The following LUC7L variants were observed in gnomAD, a reference collection of about 807,000 sequenced individuals.
LUC7L encodes putative RNA-binding protein Luc7-like 1.
In LUC7L, 29 loss-of-function variants were observed where a neutral mutation model predicts 51.1. The observed-to-expected ratio is 0.57, with a 90% CI of 0.42 to 0.77. The LOEUF (loss-of-function observed/expected upper bound fraction) is 0.77, where lower values mean the gene tolerates loss of function less well. Ranked by LOEUF, LUC7L falls within the 30% of genes least tolerant of loss-of-function variation. The pLI is 0.00. For synonymous variants in LUC7L, 181 were observed against 180.7 expected (o/e 1.00, Z -0.01); for missense variants, 403 against 511.9 (o/e 0.79, Z 2.05).
chr16:219,681 T>C (rs1350234639), intron 3 of LUC7L, among the ~76,000 whole-genome samples: 1 of 151,994 alleles, frequency 6.6e-6, no homozygotes, highest in African/African-American at 2.4e-5. Flanking sequence ...GAGACCAGCC[T>C]GATCAACATG....
intron 2 of LUC7L, among the ~76,000 whole-genome samples, chr16:221,603 T>A (rs770249692): frequency 2.6e-5 from 4 of 151,766 alleles, no homozygotes; most frequent in Admixed American, 1.3e-4. Flanking sequence ...CCTGGGGAGC[T>A]GAGACACAAG....
intron 5 of LUC7L, among the ~76,000 whole-genome samples, chr16:203,451 A>G (rs1464918132): frequency 6.6e-6 from 1 of 152,160 alleles, no homozygotes; most frequent in Non-Finnish European, 1.5e-5. Flanking sequence ...TCATGACTCT[A>G]ATCCCAGCAC....
At chr16:195,767 A>G (rs1461842047) in intron 6 of LUC7L, among the ~76,000 whole-genome samples, 2 of 152,186 alleles carry the variant, frequency 1.3e-5, no homozygotes, top group African/African-American at 2.4e-5. Flanking sequence ...AGCCAGGTGC[A>G]GTGGCTCATG....
chr16:203,683 G>A (rs2049396639), intron 5 of LUC7L, among the ~76,000 whole-genome samples: 2 of 141,660 alleles, frequency 1.4e-5, no homozygotes, highest in Admixed American at 1.4e-4. Context: ...ACTCCAGCCT[G>A]GGTGAGAAAG....
In LUC7L at chr16:192,052, C is replaced by T. The variant is rs528710097; in HGVS notation, c.776+875G>A. Among the ~76,000 whole-genome samples, 863 of 152,176 alleles carry T rather than the reference C, an allele frequency of 5.7e-3. 6 individuals carry two copies. The highest frequency in any genetic ancestry group is 0.018 in the South Asian group (87 of 4,820). ...GTGTGGCCAGAGGCATCTTCTACTT[C>T]CCACCTCCTCCCACTCCAATACACC... is the stretch of plus-strand genomic sequence containing the variant. On this transcript the variant is annotated intron_variant, in intron 7 of 9. Transcript: ENST00000293872.
chr16:221,033 C>G (rs1725820558), intron 2 of LUC7L, among the ~76,000 whole-genome samples: 1 of 151,958 alleles, frequency 6.6e-6, no homozygotes, highest in Admixed American at 6.6e-5. Context: ...TTGGCTTTTG[C>G]CAGTTTTTAA....
At chr16:212,005 G>C (rs748685535) in intron 3 of LUC7L, among the ~76,000 whole-genome samples, 1 of 152,082 alleles carries the variant, frequency 6.6e-6, no homozygotes, top group South Asian at 2.1e-4. Context: ...CCAAAGAGCC[G>C]CAGAGGGGCC....
At chr16:228,741 T>C (rs1399669040) in intron 1 of LUC7L, 3 of 1,255,496 alleles carry the variant, frequency 2.4e-6, no homozygotes, top group Non-Finnish European at 3.1e-6. Flanking sequence ...GGCTCTCCTG[T>C]GTGCTGGGGG....
intron 3 of LUC7L, among the ~76,000 whole-genome samples, chr16:212,793 T>G (rs1596651531): frequency 6.6e-6 from 1 of 152,078 alleles, no homozygotes; most frequent in Admixed American, 6.6e-5. Context: ...TTTTTTTTTT[T>G]TCCCGAGAGG....
chr16:198,558 C>T (rs546887407), intron 6 of LUC7L, among the ~76,000 whole-genome samples: 16 of 152,252 alleles, frequency 1.1e-4, no homozygotes, highest in African/African-American at 2.4e-4. Context: ...CTTCCCTTAA[C>T]GACAGGGTCC....
intron 3 of LUC7L, among the ~76,000 whole-genome samples, chr16:214,548 A>G (rs887629629): frequency 1.3e-5 from 2 of 152,178 alleles, no homozygotes; most frequent in African/African-American, 4.8e-5. Flanking sequence ...TTTATCTGAG[A>G]CAGACTCTTG....
intron 2 of LUC7L, among the ~76,000 whole-genome samples, chr16:222,750 C>A (rs1230049158): frequency 2.0e-5 from 3 of 151,260 alleles, no homozygotes; most frequent in Non-Finnish European, 4.4e-5. Flanking sequence ...CCTGCCTCAG[C>A]CTCCCAAGGA....
intron 3 of LUC7L, among the ~76,000 whole-genome samples, chr16:218,238 T>G (rs1043481700): frequency 2.0e-5 from 3 of 151,910 alleles, no homozygotes; most frequent in African/African-American, 7.3e-5. Context: ...ATTGACATCT[T>G]GTAATGCAAG....
chr16:190,896 A>AG (rs112631957), intron 7 of LUC7L: 21 of 247,762 alleles, frequency 8.5e-5, no homozygotes, highest in East Asian at 2.5e-4. Context: ...GAAAAAAAAA[A>AG]AGTGAATGAC....
At chr16:215,026 C>T (rs77186615) in intron 3 of LUC7L, among the ~76,000 whole-genome samples, 1,566 of 152,168 alleles carry the variant, frequency 0.01, 26 homozygotes, top group African/African-American at 0.036. Flanking sequence ...GCTATGAGCA[C>T]GCCACTGCAA....
chr16:213,392 CA>C (rs1248109190), intron 3 of LUC7L, among the ~76,000 whole-genome samples: 1 of 151,884 alleles, frequency 6.6e-6, no homozygotes, highest in Non-Finnish European at 1.5e-5. Flanking sequence ...TAAAGGCCCA[CA>C]ATTTTTTTTT....
chr16:217,611 G>A (rs1037902519), intron 3 of LUC7L, among the ~76,000 whole-genome samples: 1 of 151,834 alleles, frequency 6.6e-6, no homozygotes, highest in African/African-American at 2.4e-5. Flanking sequence ...GGAGGCTGAG[G>A]CAGGAAAATC....
At position 189,036 on chromosome 16, in the gene LUC7L, G is replaced by A. The variant is rs2048938389; in HGVS notation, c.*162C>T. The A allele has an allele frequency of 2.6e-6, 2 of 760,564 alleles. No homozygotes were observed. The highest frequency in any genetic ancestry group is 1.7e-5 in the African/African-American group (1 of 57,766). 47.1% of individuals were successfully genotyped at this position (760,564 alleles called of 1,614,324 possible). A position where few individuals can be genotyped will look rare whatever the true frequency, so the allele number is the denominator to read the frequency against. On this transcript the variant is annotated 3_prime_UTR_variant, in exon 10 of 10. Transcript: ENST00000293872. ...ATTTATTCCTACTCAACATGACCCG[G>A]GAACACAGGAGCAACTCTGTACACT... is the stretch of plus-strand genomic sequence containing the variant.
At chr16:208,705 T>C (rs2049553513) in intron 3 of LUC7L, 8 of 876,378 alleles carry the variant, frequency 9.1e-6, no homozygotes, top group Non-Finnish European at 1.1e-5. Context: ...CTGAGAGCTA[T>C]GAATACATTT....
Sources: allele counts gnomAD v4.1 joint callset (sites outside exome capture counted in the v4.1 genomes callset), GRCh38; gene constraint gnomAD v4.1.1; transcripts MANE v1.5; gene names NCBI Gene and HGNC (gene_info 2026-07-23, HGNC 2026-07-21).